COL5A2: variants seen among roughly 807,000 people sequenced by gnomAD.
COL5A2 encodes collagen type V alpha 2 chain.
In COL5A2, 23 loss-of-function variants were observed where a neutral mutation model predicts 208.2. That is an observed-to-expected ratio of 0.11 (90% CI 0.08 to 0.16). The LOEUF (loss-of-function observed/expected upper bound fraction) is 0.16, where lower values mean the gene tolerates loss of function less well. Ranked by LOEUF, COL5A2 falls within the 10% of genes least tolerant of loss-of-function variation. The probability of loss-of-function intolerance (pLI) is 1.00; values close to 1 mark genes in which losing one functional copy is unlikely to be tolerated. For missense variants in COL5A2, 1,590 were observed against 1,956.4 expected, an observed-to-expected ratio of 0.81 and a Z score of 3.53; for synonymous variants, 625 against 628.5, an observed-to-expected ratio of 0.99 and a Z score of 0.08.
the COL5A2 span, among the ~76,000 whole-genome samples, chr2:189,380,102 T>C: frequency 6.6e-6 from 1 of 151,988 alleles, no homozygotes; most frequent in South Asian, 2.1e-4. Flanking sequence ...ATTATTGTAG[T>C]GAATTTTGCT....
the COL5A2 span, among the ~76,000 whole-genome samples, chr2:189,297,432 G>A: frequency 6.6e-6 from 1 of 152,042 alleles, no homozygotes; most frequent in African/African-American, 2.4e-5. Flanking sequence ...TGCATGACAT[G>A]CTAGTACCAA....
intron 1 of COL5A2, among the ~76,000 whole-genome samples, chr2:189,170,306 G>C (rs1346857578): frequency 1.3e-5 from 2 of 152,126 alleles, no homozygotes; most frequent in Non-Finnish European, 2.9e-5. Flanking sequence ...TTCACAAATA[G>C]TACTCAATTG....
At chr2:189,406,532 C>T in the COL5A2 span, among the ~76,000 whole-genome samples, 1 of 152,110 alleles carries the variant, frequency 6.6e-6, no homozygotes, top group African/African-American at 2.4e-5. Flanking sequence ...AAGTTCTTCT[C>T]CCTGCTAAGC....
At chr2:189,379,086 C>A in the COL5A2 span, among the ~76,000 whole-genome samples, 5 of 152,058 alleles carry the variant, frequency 3.3e-5, no homozygotes, top group African/African-American at 1.2e-4. Flanking sequence ...TTCTAAGAAT[C>A]TTTTGAATAC....
chr2:189,131,947 A>C (rs1395652709), intron 1 of COL5A2, among the ~76,000 whole-genome samples: 1 of 152,208 alleles, frequency 6.6e-6, no homozygotes, highest in South Asian at 2.1e-4. Context: ...AATTCTATGT[A>C]ATATAATTGA....
chr2:189,290,753 CACAT>C, the COL5A2 span, among the ~76,000 whole-genome samples: 1 of 151,256 alleles, frequency 6.6e-6, no homozygotes. Context: ...CACACACACA[CACAT>C]TATTATATAC....
At chr2:189,410,651 G>T in the COL5A2 span, among the ~76,000 whole-genome samples, 1 of 151,858 alleles carries the variant, frequency 6.6e-6, no homozygotes, top group Non-Finnish European at 1.5e-5. Context: ...ATAATGCTTT[G>T]TTTTTTTAAT....
the COL5A2 span, among the ~76,000 whole-genome samples, chr2:189,368,800 T>G: frequency 2.0e-5 from 3 of 152,196 alleles, no homozygotes; most frequent in African/African-American, 7.2e-5. Context: ...GATTCGGATT[T>G]CTACACCCTA....
chr2:189,268,371 TG>T, the COL5A2 span, among the ~76,000 whole-genome samples: 1 of 152,164 alleles, frequency 6.6e-6, no homozygotes, highest in East Asian at 1.9e-4. Context: ...TAACTGAATA[TG>T]TGGCAGAAGT....
At chr2:189,094,024 A>G (rs1344997948) in intron 6 of COL5A2, among the ~76,000 whole-genome samples, 1 of 152,226 alleles carries the variant, frequency 6.6e-6, no homozygotes, top group African/African-American at 2.4e-5. Context: ...ACACAAAACT[A>G]TATTTATTGT....
At chr2:189,301,545 G>C in the COL5A2 span, among the ~76,000 whole-genome samples, 1 of 152,076 alleles carries the variant, frequency 6.6e-6, no homozygotes, top group Non-Finnish European at 1.5e-5. Flanking sequence ...AAATCTATAT[G>C]AGATTGTTTG....
intron 31 of COL5A2, among the ~76,000 whole-genome samples, chr2:189,060,410 C>T (rs1156640241): frequency 6.6e-6 from 1 of 152,078 alleles, no homozygotes; most frequent in Non-Finnish European, 1.5e-5. Flanking sequence ...AATCTATGAG[C>T]CAGGAAAACG....
intron 1 of COL5A2, among the ~76,000 whole-genome samples, chr2:189,195,206 C>T (rs751278962): frequency 6.6e-6 from 1 of 152,142 alleles, no homozygotes; most frequent in African/African-American, 2.4e-5. Flanking sequence ...TGAATGAACT[C>T]CCATTCACAA....
chr2:189,402,515 GC>G, the COL5A2 span, among the ~76,000 whole-genome samples: 1 of 152,246 alleles, frequency 6.6e-6, no homozygotes, highest in African/African-American at 2.4e-5. Flanking sequence ...ACTGTGCCCG[GC>G]CTATAGGTTT....
At chr2:189,282,068 C>T in the COL5A2 span, among the ~76,000 whole-genome samples, 1 of 152,018 alleles carries the variant, frequency 6.6e-6, no homozygotes, top group African/African-American at 2.4e-5. Flanking sequence ...ACCTGTAATC[C>T]CAGCCACTCC....
At chr2:189,350,635 GA>G in the COL5A2 span, among the ~76,000 whole-genome samples, 1 of 152,142 alleles carries the variant, frequency 6.6e-6, no homozygotes, top group Non-Finnish European at 1.5e-5. Flanking sequence ...TATGTTTGTG[GA>G]ATGAACTGAG....
At chr2:189,097,431 A>G (rs549120857) in intron 5 of COL5A2, 101 bp from the exon 6 acceptor site, 1 of 1,196,962 alleles carries the variant, frequency 8.4e-7, no homozygotes, top group African/African-American at 1.5e-5. Flanking sequence ...CAGAAATACC[A>G]CACTTAATTC....
chr2:189,168,144 T>C (rs146174601), intron 1 of COL5A2, among the ~76,000 whole-genome samples: 2,435 of 152,120 alleles, frequency 0.016, 59 homozygotes, highest in African/African-American at 0.056. Context: ...TTTCACTGTG[T>C]TAGCCAGGAT....
At chr2:189,380,215 T>C in the COL5A2 span, among the ~76,000 whole-genome samples, 6 of 152,038 alleles carry the variant, frequency 3.9e-5, no homozygotes, top group African/African-American at 1.4e-4. Flanking sequence ...GTAGATGAGA[T>C]ATTCCAGAAC....
Sources: gnomAD v4.1 joint callset for allele counts (sites outside exome capture counted in the v4.1 genomes callset) on GRCh38, gnomAD v4.1.1 for gene constraint, MANE v1.5 for transcripts, NCBI Gene and HGNC (gene_info 2026-07-23, HGNC 2026-07-21) for gene names.